The following ADAM23 variants were observed in gnomAD, a reference collection of about 807,000 sequenced individuals.
ADAM23 encodes the protein disintegrin and metalloproteinase domain-containing protein 23.
In ADAM23, 33 loss-of-function variants were observed where a neutral mutation model predicts 120.1. That is an observed-to-expected ratio of 0.27 (90% CI 0.21 to 0.37). ADAM23 has a LOEUF of 0.37. Among genes scored for constraint, ADAM23 ranks in the 10% least tolerant of loss-of-function variants. The probability of loss-of-function intolerance (pLI) is 1.00; values close to 1 mark genes in which losing one functional copy is unlikely to be tolerated. For synonymous variants in ADAM23, 367 were observed against 375.2 expected (o/e 0.98, Z 0.25); for missense variants, 862 against 1,058.2 (o/e 0.81, Z 2.57).
In ADAM23 at chr2:206,589,403, CA is replaced by C; in HGVS notation, c.1853-2del. On this transcript the variant is annotated splice_region_variant and splice_polypyrimidine_tract_variant and intron_variant, in intron 20 of 25. Transcript: ENST00000264377. ...TTAATTTTCTTCTCTTGCCTATCTC[CA>C]AAAGAGGCTGCAGGGTCTGACAAGT... The C allele has an allele frequency of 6.2e-7, 1 of 1,611,468 alleles. No homozygotes were observed.
chr2:206,448,930 G>C (rs1181487728), intron 2 of ADAM23, among the ~76,000 whole-genome samples: 1 of 152,196 alleles, frequency 6.6e-6, no homozygotes, highest in African/African-American at 2.4e-5. Context: ...TAAGGGAATT[G>C]TGGCTACCCT....
rs557274912 is a variant in ADAM23 at position 206,495,424 on chromosome 2, A to C, written c.509+14116A>C. Among the ~76,000 whole-genome samples the C allele has an allele frequency of 5.4e-3, 822 of 152,302 alleles. 15 individuals carry two copies. The highest frequency in any genetic ancestry group is 0.019 in the African/African-American group (793 of 41,566). ...TAAGCTTCATAAGTGAAGGAGAAAT[A>C]AAATCCTTTACAGACAAGCAAATGC... On this transcript the variant is annotated intron_variant, in intron 3 of 25. Transcript: ENST00000264377.
chr2:206,592,870 C>A (rs1000987014), intron 22 of ADAM23, 134 bp downstream of exon 22: 1 of 1,114,340 alleles, frequency 9.0e-7, no homozygotes, highest in East Asian at 2.6e-5. Flanking sequence ...ATTTTATTAT[C>A]ACCTTTCATA....
intron 14 of ADAM23, 143 bp downstream of exon 14, chr2:206,565,211 T>A: frequency 1.4e-6 from 1 of 713,506 alleles, no homozygotes; most frequent in Non-Finnish European, 2.3e-6. Flanking sequence ...ATTTTTAAAC[T>A]GAAAGATCTA....
At chr2:206,592,211 C>T (rs891243091) in intron 21 of ADAM23, among the ~76,000 whole-genome samples, 18 of 152,132 alleles carry the variant, frequency 1.2e-4, no homozygotes, top group South Asian at 2.1e-4. Flanking sequence ...AGGTCTTCTC[C>T]CTGTCAGTCT....
In ADAM23 at chr2:206,551,581, G is replaced by C. The variant is rs117359849; in HGVS notation, c.933+1421G>C. ...GCTTTGGAATTATCTTTAAGTCTTT[G>C]TTTTACTTTAAGGAAACCAAAATTA... is the stretch of plus-strand genomic sequence containing the variant. On this transcript the variant is annotated intron_variant, in intron 9 of 25. Coordinates refer to ENST00000264377, the MANE Select transcript of ADAM23 (RefSeq NM_003812.4). Among the ~76,000 whole-genome samples the C allele has an allele frequency of 1.6e-4, 25 of 152,208 alleles. No individual in the cohort carries two copies. The East Asian group carries it at 3.9e-3, about 23-fold the overall frequency.
intron 2 of ADAM23, among the ~76,000 whole-genome samples, chr2:206,467,958 A>G (rs1695575552): frequency 3.3e-5 from 5 of 152,150 alleles, no homozygotes; most frequent in Admixed American, 3.3e-4. Context: ...CCTGAGCTGT[A>G]CCTGGGCCTC....
intron 3 of ADAM23, among the ~76,000 whole-genome samples, chr2:206,517,014 TAAATAA>T (rs1351100856): frequency 6.6e-6 from 1 of 151,756 alleles, no homozygotes; most frequent in African/African-American, 2.4e-5. Flanking sequence ...AATAAATAAA[TAAATAA>T]AAATAAAATA....
chr2:206,481,415 G>A, intron 3 of ADAM23, 107 bp downstream of exon 3: 1 of 783,778 alleles, frequency 1.3e-6, no homozygotes, highest in African/African-American at 1.8e-5. Flanking sequence ...CTATTTTCTA[G>A]CAGATTATTA....
At chr2:206,578,003 C>G (rs1027047306) in intron 18 of ADAM23, among the ~76,000 whole-genome samples, 1 of 152,086 alleles carries the variant, frequency 6.6e-6, no homozygotes, top group Non-Finnish European at 1.5e-5. Context: ...TTGCATTTCT[C>G]TGATGGCCAG....
At chr2:206,607,045 A>C (rs1030973708) in intron 24 of ADAM23, 8 of 152,160 alleles carry the variant, frequency 5.3e-5, no homozygotes, top group African/African-American at 1.7e-4. Context: ...GGACCAAAAT[A>C]GCATTAAGAG....
At chr2:206,545,191 A>G (rs573514982) in intron 6 of ADAM23, among the ~76,000 whole-genome samples, 20 of 152,320 alleles carry the variant, frequency 1.3e-4, no homozygotes, top group African/African-American at 4.6e-4. Context: ...GGGATTTCAA[A>G]TTTAGATAAA....
At chr2:206,479,099 G>C (rs1169297049) in intron 2 of ADAM23, among the ~76,000 whole-genome samples, 2 of 152,294 alleles carry the variant, frequency 1.3e-5, no homozygotes, top group African/African-American at 4.8e-5. Context: ...AAAAGCAAAA[G>C]GAAAACCCAG....
intron 3 of ADAM23, among the ~76,000 whole-genome samples, chr2:206,508,165 G>T (rs1377526625): frequency 6.6e-6 from 1 of 152,046 alleles, no homozygotes; most frequent in Non-Finnish European, 1.5e-5. Context: ...GAGTAGCTGG[G>T]ACTACAGGCA....
In ADAM23 at chr2:206,619,290, T is replaced by G. The variant is rs1251429713; in HGVS notation, c.*1663T>G. ...TCCAGCCAGATTTGCAGATGTAATC[T>G]GGGCTTTCCAAGTCCCTCTGAGTTT... On this transcript the variant is annotated 3_prime_UTR_variant, in exon 26 of 26. Transcript: ENST00000264377. The G allele has an allele frequency of 6.6e-6, 1 of 152,244 alleles. No homozygotes were observed. Among genetic ancestry groups the G allele is most frequent in the African/African-American group, 2.4e-5 (1 of 41,460 alleles). 9.4% of individuals were successfully genotyped at this position (152,244 alleles called of 1,614,324 possible). A position where few individuals can be genotyped will look rare whatever the true frequency, so the allele number is the denominator to read the frequency against.
At chr2:206,465,886 A>T (rs1286840367) in intron 2 of ADAM23, among the ~76,000 whole-genome samples, 3 of 152,214 alleles carry the variant, frequency 2.0e-5, no homozygotes, top group Non-Finnish European at 4.4e-5. Flanking sequence ...TCACAATATA[A>T]ACTTTAATTA....
At chr2:206,453,075 G>A (rs1012940285) in intron 2 of ADAM23, among the ~76,000 whole-genome samples, 8 of 152,230 alleles carry the variant, frequency 5.3e-5, no homozygotes, top group African/African-American at 1.9e-4. Context: ...GGGAGAGGAT[G>A]TAAAAGTCTC....
chr2:206,447,545 C>T (rs540803000), intron 2 of ADAM23, among the ~76,000 whole-genome samples: 11 of 152,118 alleles, frequency 7.2e-5, no homozygotes, highest in South Asian at 2.1e-4. Context: ...TGTTCTGTGA[C>T]CTCCCTTTTA....
chr2:206,617,826 A>G lies in ADAM23; in HGVS notation c.*199A>G. 1.7e-6 allele frequency: 2 copies of G among 1,169,566 alleles called. No homozygotes were observed. The highest frequency in any genetic ancestry group is 2.3e-5 in the South Asian group (1 of 42,848). The allele number at this position is 1,169,566 out of a possible 1,614,324, so 72.4% of individuals were successfully genotyped here. A position where few individuals can be genotyped will look rare whatever the true frequency, so the allele number is the denominator to read the frequency against. On this transcript the variant is annotated 3_prime_UTR_variant, in exon 26 of 26. Transcript: ENST00000264377. ...ATAATGTCAAAGAACACCTTTCACC[A>G]CCTGTCAGTAAACGGGGGAGGGGGC...
Sources: gnomAD v4.1 joint callset for allele counts (sites outside exome capture counted in the v4.1 genomes callset) on GRCh38, gnomAD v4.1.1 for gene constraint, MANE v1.5 for transcripts, NCBI Gene and HGNC (gene_info 2026-07-23, HGNC 2026-07-21) for gene names.